Variants in CSMD3 observed in about 807,000 individuals in gnomAD.
CSMD3 encodes CUB and sushi domain-containing protein 3.
A neutral mutation model predicts 435.2 loss-of-function variants in CSMD3; 177 were observed. That is an observed-to-expected ratio of 0.41 (90% confidence interval 0.36 to 0.46). The LOEUF is 0.46. Among genes scored for constraint, CSMD3 ranks in the 20% least tolerant of loss-of-function variants. The probability of loss-of-function intolerance (pLI) is 0.34; values close to 1 mark genes in which losing one functional copy is unlikely to be tolerated. For missense variants in CSMD3, 4,265 were observed against 4,504.6 expected (o/e 0.95, Z 1.52); for synonymous variants, 1,656 against 1,520.5 (o/e 1.09, Z -2.07).
chr8:112,974,917 G>A (rs2084790540), intron 7 of CSMD3, among the ~76,000 whole-genome samples: 1 of 151,564 alleles, frequency 6.6e-6, no homozygotes. Context: ...AGCCAGTTTA[G>A]AGAAAATATT....
intron 9 of CSMD3, among the ~76,000 whole-genome samples, chr8:112,942,543 A>T (rs1412602952): frequency 6.6e-6 from 1 of 151,844 alleles, no homozygotes; most frequent in African/African-American, 2.4e-5. Flanking sequence ...TAAAAAAATG[A>T]GTTCATGTCC....
In CSMD3 at chr8:113,261,828, A is replaced by G. The variant is rs545269743; in HGVS notation, c.514+16764T>C. Among the ~76,000 whole-genome samples the G allele has an allele frequency of 7.2e-5, 11 of 152,230 alleles. No homozygotes were observed. In the South Asian group the frequency reaches 2.3e-3, roughly 32 times the overall value. On this transcript the variant is annotated intron_variant, in intron 3 of 70. Coordinates refer to ENST00000297405, the MANE Select transcript of CSMD3 (RefSeq NM_198123.2). ...TGGGCATATTCATTATATTTAAACT[A>G]TATGGTAGAACAGAAAAGATACTAG... is the stretch of plus-strand genomic sequence containing the variant.
chr8:113,146,492 A>C (rs1256969366), intron 4 of CSMD3, among the ~76,000 whole-genome samples: 1 of 151,656 alleles, frequency 6.6e-6, no homozygotes, highest in Non-Finnish European at 1.5e-5. Flanking sequence ...ACTGGAATAT[A>C]TGAACAATGA....
At chr8:112,960,678 A>G (rs949560011) in intron 7 of CSMD3, among the ~76,000 whole-genome samples, 1 of 151,768 alleles carries the variant, frequency 6.6e-6, no homozygotes, top group African/African-American at 2.4e-5. Flanking sequence ...TATTTTAAAA[A>G]GCACACAAAA....
At position 113,314,645 on chromosome 8, in the gene CSMD3, T is replaced by C. The variant is rs1421761678; in HGVS notation, c.327A>G (p.Ser109=). Residue 109 remains serine (S), a synonymous_variant, in exon 2 of 71, where the codon TCA becomes TCG. Coordinates refer to ENST00000297405, the MANE Select transcript of CSMD3 (RefSeq NM_198123.2). The stretch of plus-strand genomic sequence containing the variant: ...AGTCGTATTCTTCTTCTAGAGCAAA[T>C]GACTGAAAAACAATTTGTATTCTAT... ...ERNRIQIVFQ[S]FALEEEYDYL... is the part of the protein sequence containing the mutation. 6.2e-7 allele frequency: 1 copy of C among 1,611,262 alleles called. No homozygotes were observed.
chr8:112,990,129 T>C (rs1208926604), intron 6 of CSMD3, among the ~76,000 whole-genome samples: 1 of 152,008 alleles, frequency 6.6e-6, no homozygotes, highest in Non-Finnish European at 1.5e-5. Flanking sequence ...TTTTCCTTTA[T>C]ACGTTACTCA....
intron 22 of CSMD3, among the ~76,000 whole-genome samples, chr8:112,624,350 T>C (rs1164218400): frequency 6.6e-6 from 1 of 152,078 alleles, no homozygotes; most frequent in South Asian, 2.1e-4. Flanking sequence ...TCTATTTTAG[T>C]CTTCTTTTTT....
At chr8:112,437,052 T>G (rs1389037518) in intron 32 of CSMD3, among the ~76,000 whole-genome samples, 1 of 152,008 alleles carries the variant, frequency 6.6e-6, no homozygotes, top group Non-Finnish European at 1.5e-5. Context: ...ACTGATTAAG[T>G]TATGTTTTTA....
At chr8:112,317,059 C>A (rs1054153553) in intron 47 of CSMD3, among the ~76,000 whole-genome samples, 1 of 151,872 alleles carries the variant, frequency 6.6e-6, no homozygotes, top group Non-Finnish European at 1.5e-5. Context: ...GGCTTAAATG[C>A]CTGGTGAAAT....
In CSMD3 at chr8:112,255,278, T is replaced by C. The variant is rs762003436; in HGVS notation, c.10012A>G (p.Ser3338Gly). 2 of 1,613,586 alleles carry C rather than the reference T, an allele frequency of 1.2e-6. No individual in the cohort carries two copies. Among genetic ancestry groups the C allele is most frequent in the East Asian group, 2.2e-5 (1 of 44,826 alleles). The change falls in exon 62 of 71, where the codon AGT becomes GGT. Residue 3338 changes from serine (S) to glycine (G), a missense_variant. Transcript: ENST00000297405. Reference protein sequence around the residue: ...TRICQADGTWSGSSPHCIEPT... With the variant: ...TRICQADGTWGGSSPHCIEPT... The stretch of plus-strand genomic sequence containing the variant: ...CCTATGCAGTGAGGTGATGAACCAC[T>C]CCAAGTGCCATCTGCTTGACATATT...
intron 30 of CSMD3, among the ~76,000 whole-genome samples, chr8:112,500,552 G>A (rs1821835335): frequency 6.6e-6 from 1 of 152,084 alleles, no homozygotes; most frequent in African/African-American, 2.4e-5. Context: ...GACAAAAAGA[G>A]TACAAGGACT....
In CSMD3 at chr8:113,429,676, A is replaced by ATTAATT. The variant is rs1384323667; in HGVS notation, c.178+6995_178+7000dup. 1.3e-3 allele frequency among the ~76,000 whole-genome samples: 195 copies of ATTAATT among 152,272 alleles called. 1 individual carries two copies. Among genetic ancestry groups the ATTAATT allele is most frequent in the Non-Finnish European group, 1.8e-4 (12 of 67,994 alleles). On this transcript the variant is annotated intron_variant, in intron 1 of 70. Coordinates refer to ENST00000297405, the MANE Select transcript of CSMD3 (RefSeq NM_198123.2). ...ACTAATTGATATATAGTACTGAAATATTAATTTTTCTGATTGACTATCTTC... is the reference window on the plus strand; with the variant it reads ...ACTAATTGATATATAGTACTGAAATATTAATTTTAATTTTTCTGATTGACTATCTTC...
chr8:113,199,932 T>C (rs1005947444), intron 3 of CSMD3, among the ~76,000 whole-genome samples: 3 of 151,880 alleles, frequency 2.0e-5, no homozygotes, highest in African/African-American at 7.2e-5. Context: ...ATTATTAACA[T>C]GAGTAATGAG....
At chr8:112,450,659 G>T (rs1280177510) in intron 32 of CSMD3, among the ~76,000 whole-genome samples, 4 of 152,140 alleles carry the variant, frequency 2.6e-5, no homozygotes, top group East Asian at 1.9e-4. Context: ...GGCTTCTATG[G>T]AATGTCTTTT....
intron 12 of CSMD3, among the ~76,000 whole-genome samples, chr8:112,801,773 A>T (rs2078967219): frequency 6.6e-6 from 1 of 152,064 alleles, no homozygotes; most frequent in Non-Finnish European, 1.5e-5. Flanking sequence ...CAGAATAGAA[A>T]GTAAAGTAAA....
intron 1 of CSMD3, among the ~76,000 whole-genome samples, chr8:113,411,721 G>A (rs1252079685): frequency 6.6e-6 from 1 of 152,002 alleles, no homozygotes; most frequent in Non-Finnish European, 1.5e-5. Flanking sequence ...ATCCAAATTA[G>A]CCACATTACT....
intron 1 of CSMD3, chr8:113,377,014 G>T: frequency 7.7e-7 from 1 of 1,305,572 alleles, no homozygotes; most frequent in Non-Finnish European, 1.0e-6. Context: ...CATCTTCTAG[G>T]GAGTGGGGTG....
intron 31 of CSMD3, among the ~76,000 whole-genome samples, chr8:112,482,659 T>C (rs1395630126): frequency 6.6e-6 from 1 of 152,176 alleles, no homozygotes; most frequent in Non-Finnish European, 1.5e-5. Context: ...TATCACATAG[T>C]TGATGTCTTA....
At chr8:113,065,654 C>T (rs1174494929) in intron 5 of CSMD3, among the ~76,000 whole-genome samples, 2 of 151,998 alleles carry the variant, frequency 1.3e-5, no homozygotes, top group African/African-American at 4.8e-5. Context: ...TCCCGAAGTG[C>T]TGGGATTACA....
Sources: gnomAD v4.1 joint callset for allele counts (sites outside exome capture counted in the v4.1 genomes callset) on GRCh38, gnomAD v4.1.1 for gene constraint, MANE v1.5 for transcripts, NCBI Gene and HGNC (gene_info 2026-07-23, HGNC 2026-07-21) for gene names.